FOXP1: variants seen among roughly 807,000 people sequenced by gnomAD.
FOXP1 encodes forkhead box P1, also known as forkhead box protein P1.
Under a neutral mutation model 98.2 loss-of-function variants are expected in FOXP1, and 15 were observed. That is an observed-to-expected ratio of 0.15 (90% CI 0.10 to 0.24). The LOEUF (loss-of-function observed/expected upper bound fraction) is 0.24. FOXP1 is among the 10% of genes least tolerant of loss of function. The pLI is 1.00. For missense variants in FOXP1, 633 were observed against 848.5 expected (o/e 0.75, Z 3.15); for synonymous variants, 371 against 314.5 (o/e 1.18, Z -1.90).
At chr3:71,175,323 C>G (rs919406208) in intron 6 of FOXP1, among the ~76,000 whole-genome samples, 39 of 152,178 alleles carry the variant, frequency 2.6e-4, no homozygotes, top group Non-Finnish European at 7.4e-5. Flanking sequence ...ACTTCTTTGG[C>G]CCATCAAGTG....
chr3:71,240,891 A>T (rs531772928), intron 5 of FOXP1, among the ~76,000 whole-genome samples: 1 of 152,002 alleles, frequency 6.6e-6, no homozygotes, highest in South Asian at 2.1e-4. Context: ...CCAGATTTGA[A>T]GAATCTTAAC....
chr3:71,193,927 T>C (rs1034475550), intron 6 of FOXP1, among the ~76,000 whole-genome samples: 1 of 152,214 alleles, frequency 6.6e-6, no homozygotes, highest in African/African-American at 2.4e-5. Context: ...AAGTTCCCTA[T>C]CTACCGTTCC....
In FOXP1 at chr3:70,958,969, T is replaced by C. The variant is rs761680409; in HGVS notation, c.*278A>G. Reference sequence around the variant, plus strand: ...GTTTAGCAAATTTACAACACTGATGTTGACGGTTAAGAGAGGAAAATCCCA... The same window carrying C: ...GTTTAGCAAATTTACAACACTGATGCTGACGGTTAAGAGAGGAAAATCCCA... On this transcript the variant is annotated 3_prime_UTR_variant, in exon 21 of 21. Coordinates refer to ENST00000649528, the MANE Select transcript of FOXP1 (RefSeq NM_001349338.3). 7.4e-5 allele frequency: 33 copies of C among 448,714 alleles called. No individual in the cohort carries two copies. Among genetic ancestry groups the C allele is most frequent in the Non-Finnish European group, 5.8e-5 (14 of 241,696 alleles). The allele number at this position is 448,714 out of a possible 1,614,324, so 27.8% of individuals were successfully genotyped here. A position where few individuals can be genotyped will look rare whatever the true frequency, so the allele number is the denominator to read the frequency against.
intron 3 of FOXP1, among the ~76,000 whole-genome samples, chr3:71,472,996 T>A (rs1046090093): frequency 6.6e-6 from 1 of 152,168 alleles, no homozygotes; most frequent in Non-Finnish European, 1.5e-5. Flanking sequence ...AAATAACTTA[T>A]GAAAGGGCCA....
chr3:71,183,337 T>C (rs2062444735), intron 6 of FOXP1, among the ~76,000 whole-genome samples: 1 of 151,704 alleles, frequency 6.6e-6, no homozygotes, highest in African/African-American at 2.4e-5. Context: ...CTACTAAAAA[T>C]ACAAAAAAAC....
Position 71,453,696 on chromosome 3 carries a change from C to T in FOXP1, c.-168+39730G>A, listed in dbSNP as rs149848575. Among the ~76,000 whole-genome samples, 206 of 152,216 alleles carry T rather than the reference C, an allele frequency of 1.4e-3. 5 individuals carry two copies. In the East Asian group the frequency reaches 0.025, roughly 18 times the overall value. On this transcript the variant is annotated intron_variant, in intron 3 of 20. Coordinates refer to ENST00000649528, the MANE Select transcript of FOXP1 (RefSeq NM_001349338.3). ...ATCTTATTCTCGTTGAAGAAATAAACACCATCCCCAAAATGCTGATGACAT... is the reference window on the plus strand; with the variant it reads ...ATCTTATTCTCGTTGAAGAAATAAATACCATCCCCAAAATGCTGATGACAT...
intron 3 of FOXP1, among the ~76,000 whole-genome samples, chr3:71,434,977 C>T (rs374416804): frequency 4.6e-5 from 7 of 151,900 alleles, no homozygotes; most frequent in Admixed American, 4.6e-4. Context: ...CTTCTATAGC[C>T]AGGTATTAGA....
At chr3:71,021,724 C>T (rs1036559677) in intron 11 of FOXP1, among the ~76,000 whole-genome samples, 1 of 152,184 alleles carries the variant, frequency 6.6e-6, no homozygotes, top group African/African-American at 2.4e-5. Context: ...ATCCTCACAG[C>T]TAGGAAATGG....
intron 3 of FOXP1, among the ~76,000 whole-genome samples, chr3:71,430,755 G>T (rs953746926): frequency 6.6e-6 from 1 of 152,220 alleles, no homozygotes; most frequent in East Asian, 1.9e-4. Flanking sequence ...ATTCTGCCAC[G>T]TTGGAAAAGA....
At chr3:71,399,258 A>T (rs896591848) in intron 3 of FOXP1, among the ~76,000 whole-genome samples, 2 of 152,200 alleles carry the variant, frequency 1.3e-5, no homozygotes, top group Admixed American at 6.5e-5. Flanking sequence ...GTGTATATAC[A>T]CACAAAACAC....
chr3:70,984,770 G>A (rs774106903), intron 14 of FOXP1, among the ~76,000 whole-genome samples: 8 of 152,102 alleles, frequency 5.3e-5, no homozygotes, highest in African/African-American at 9.7e-5. Context: ...TGGGAAGCCC[G>A]TGAGCTCCTG....
intron 2 of FOXP1, among the ~76,000 whole-genome samples, chr3:71,542,987 G>A (rs775925073): frequency 2.0e-5 from 3 of 152,222 alleles, no homozygotes; most frequent in Non-Finnish European, 4.4e-5. Context: ...TGGGCCCCCA[G>A]AGAAAGGCAA....
At chr3:71,289,317 T>C (rs1576789129) in intron 5 of FOXP1, among the ~76,000 whole-genome samples, 1 of 151,992 alleles carries the variant, frequency 6.6e-6, no homozygotes. Context: ...GGTATTACAG[T>C]CATGAGCCAC....
At chr3:71,383,313 A>C (rs750769387) in intron 3 of FOXP1, among the ~76,000 whole-genome samples, 1 of 152,234 alleles carries the variant, frequency 6.6e-6, no homozygotes, top group Non-Finnish European at 1.5e-5. Flanking sequence ...CGATTAAAGA[A>C]TGACATATAA....
At chr3:71,426,555 T>C (rs1231878654) in intron 3 of FOXP1, among the ~76,000 whole-genome samples, 4 of 152,186 alleles carry the variant, frequency 2.6e-5, no homozygotes, top group African/African-American at 9.7e-5. Flanking sequence ...ACTGTGGCTA[T>C]ATGAAGGAAA....
Position 70,955,293 on chromosome 3 carries a change from G to A in FOXP1, c.*3954C>T, listed in dbSNP as rs2031506536. On this transcript the variant is annotated 3_prime_UTR_variant, in exon 21 of 21. Coordinates refer to ENST00000649528, the MANE Select transcript of FOXP1 (RefSeq NM_001349338.3). ...TAAGAATCCAAGGTTTTCTTTACTA[G>A]GTCTGACTGGATGCTGGGGATGGTG... 1.3e-5 allele frequency: 3 copies of A among 232,858 alleles called. No individual in the cohort carries two copies. The Admixed American group carries it at 1.7e-4, about 13-fold the overall frequency. 14.4% of individuals were successfully genotyped at this position (232,858 alleles called of 1,614,324 possible).
intron 2 of FOXP1, among the ~76,000 whole-genome samples, chr3:71,537,142 C>G (rs55736314): frequency 0.29 from 43,428 of 152,066 alleles, 7,674 homozygotes; most frequent in Non-Finnish European, 0.4. Context: ...CTAAATGAAA[C>G]AAAGAGGCTC....
intron 4 of FOXP1, among the ~76,000 whole-genome samples, chr3:71,328,040 G>T (rs868374206): frequency 6.6e-6 from 1 of 152,160 alleles, no homozygotes; most frequent in Non-Finnish European, 1.5e-5. Flanking sequence ...GCAGTAGAGA[G>T]ATCTGAAATT....
At position 70,956,865 on chromosome 3, in the gene FOXP1, T is replaced by G. The variant is rs1336511698; in HGVS notation, c.*2382A>C. 2.4e-5 allele frequency: 5 copies of G among 206,952 alleles called. No homozygotes were observed. Among genetic ancestry groups the G allele is most frequent in the Non-Finnish European group, 3.8e-5 (4 of 104,322 alleles). 12.8% of individuals were successfully genotyped at this position (206,952 alleles called of 1,614,324 possible). On this transcript the variant is annotated 3_prime_UTR_variant, in exon 21 of 21. Transcript: ENST00000649528. Reference sequence around the variant, plus strand: ...CAGAGAAGTTTTTGTACCAAGCTTATGAGTGGATGGGAGTGTTACTTTTCT... The same window carrying G: ...CAGAGAAGTTTTTGTACCAAGCTTAGGAGTGGATGGGAGTGTTACTTTTCT...
Sources: allele counts gnomAD v4.1 joint callset (sites outside exome capture counted in the v4.1 genomes callset), GRCh38; gene constraint gnomAD v4.1.1; transcripts MANE v1.5; gene names NCBI Gene and HGNC (gene_info 2026-07-23, HGNC 2026-07-21).